Variants in ATP11B observed in about 807,000 individuals in gnomAD.
ATP11B encodes the protein phospholipid-transporting ATPase IF.
In ATP11B, 81 loss-of-function variants were observed where a neutral mutation model predicts 157.8. The ratio of observed to expected loss-of-function variants is 0.51; its 90% CI spans 0.43 to 0.62. ATP11B has a LOEUF of 0.62. Among genes scored for constraint, ATP11B ranks in the 20% least tolerant of loss-of-function variants. The pLI, the probability that ATP11B is intolerant of heterozygous loss-of-function variation, is 0.00. For synonymous variants in ATP11B, 451 were observed against 469.4 expected, an observed-to-expected ratio of 0.96 and a Z score of 0.51; for missense variants, 1,165 against 1,402.2, an observed-to-expected ratio of 0.83 and a Z score of 2.70.
Position 182,873,862 on chromosome 3 carries a change from T to C in ATP11B, c.2099T>C (p.Ile700Thr). 1 of 1,614,172 alleles carries C rather than the reference T, an allele frequency of 6.2e-7. No individual in the cohort carries two copies. Among genetic ancestry groups the C allele is most frequent in the Non-Finnish European group, 8.5e-7 (1 of 1,180,000 alleles). ...ATTGAAGCATTGAGAATGGCTGGTA[T>C]CAAAGTATGGGTACTTACTGGGGAT... ...ETIEALRMAGIKVWVLTGDKH... is the reference protein window; with the variant it reads ...ETIEALRMAGTKVWVLTGDKH... Residue 700 changes from isoleucine to threonine, a missense_variant, in exon 19 of 30, where the codon ATC (isoleucine) becomes ACC (threonine). Physicochemically the swap from Ile to Thr is moderately conservative, Grantham distance 89 (BLOSUM62 -1). This residue lies in a region of ATP11B where 737 missense variants were observed against 930.5 expected (regional missense o/e 0.79). Transcript: ENST00000323116.
chr3:182,888,064 A>G lies in ATP11B; in HGVS notation c.2843+351A>G, dbSNP rs528106199. Among the ~76,000 whole-genome samples the G allele has an allele frequency of 2.6e-5, 4 of 152,312 alleles. No homozygotes were observed. In the South Asian group the frequency reaches 8.3e-4, roughly 32 times the overall value. ...TAAAAGTTTTTTTCTACTATTAGCGAAATTTATGAGTAATAATTAGTGCAA... is the reference window on the plus strand; with the variant it reads ...TAAAAGTTTTTTTCTACTATTAGCGGAATTTATGAGTAATAATTAGTGCAA... On this transcript the variant is annotated intron_variant, in intron 24 of 29. Transcript: ENST00000323116.
chr3:182,854,611 C>T (rs1720230710), intron 10 of ATP11B, among the ~76,000 whole-genome samples: 1 of 152,062 alleles, frequency 6.6e-6, no homozygotes, highest in Non-Finnish European at 1.5e-5. Context: ...TACACTTTCT[C>T]AAAACTAAAA....
chr3:182,897,202 G>T, intron 26 of ATP11B, 101 bp from the exon 27 acceptor site: 1 of 635,674 alleles, frequency 1.6e-6, no homozygotes, highest in South Asian at 2.7e-5. Flanking sequence ...TGTCTTCTGA[G>T]AGACTTTTAG....
intron 25 of ATP11B, among the ~76,000 whole-genome samples, chr3:182,891,568 C>T (rs755068389): frequency 1.3e-5 from 2 of 152,082 alleles, no homozygotes; most frequent in Non-Finnish European, 2.9e-5. Flanking sequence ...TACTCTATTA[C>T]ATTGTCATAA....
intron 6 of ATP11B, 117 bp downstream of exon 6, chr3:182,836,587 A>G: frequency 8.4e-7 from 1 of 1,185,236 alleles, no homozygotes; most frequent in South Asian, 1.6e-5. Flanking sequence ...AAGTTTTTAA[A>G]ATTACTATTT....
chr3:182,913,914 G>A lies in ATP11B; in HGVS notation c.3372G>A (p.Pro1124=), dbSNP rs143938318. 1.7e-5 allele frequency: 27 copies of A among 1,613,986 alleles called. No homozygotes were observed. Among genetic ancestry groups the A allele is most frequent in the Non-Finnish European group, 1.8e-5 (21 of 1,179,978 alleles). Residue 1124 remains proline, a synonymous_variant, in exon 29 of 30, where the codon CCG becomes CCA. Transcript: ENST00000323116. ...IKCLDSMCCF[P]EGEAACASVG... ...GCTTGGACTCCATGTGCTGTTTCCC[G>A]GAAGGAGAAGCAGCGTGTGCATCTG...
intron 28 of ATP11B, among the ~76,000 whole-genome samples, chr3:182,901,952 G>C (rs1267042883): frequency 6.6e-6 from 1 of 151,972 alleles, no homozygotes; most frequent in Non-Finnish European, 1.5e-5. Flanking sequence ...GACTTAACTG[G>C]ATGTTCTAGG....
At chr3:182,916,259 T>C in intron 29 of ATP11B, 2 of 985,330 alleles carry the variant, frequency 2.0e-6, no homozygotes, top group Non-Finnish European at 2.4e-6. Context: ...CTATTTCATG[T>C]CTAATTTAAG....
At chr3:182,829,775 A>G in intron 4 of ATP11B, 23 bp downstream of exon 4, 3 of 1,537,792 alleles carry the variant, frequency 2.0e-6, no homozygotes, top group Non-Finnish European at 2.7e-6. Context: ...TTCTTTTTTT[A>G]ATTTTCCTCT....
In ATP11B at chr3:182,842,865, C is replaced by A. The variant is rs115468941; in HGVS notation, c.704+743C>A. ...GAATATACAATTCAGAAGATATTGC[C>A]ACATTACTAGAATCCCATTCAGTTG... On this transcript the variant is annotated intron_variant, in intron 8 of 29. Transcript: ENST00000323116. Among the ~76,000 whole-genome samples, 736 of 152,266 alleles carry A rather than the reference C, an allele frequency of 4.8e-3. 8 individuals are homozygous for A. Among genetic ancestry groups the A allele is most frequent in the African/African-American group, 0.017 (691 of 41,544 alleles).
chr3:182,899,331 T>G (rs1300777016), intron 28 of ATP11B, among the ~76,000 whole-genome samples: 3 of 151,922 alleles, frequency 2.0e-5, no homozygotes, highest in Admixed American at 6.6e-5. Context: ...TTTTGTATTT[T>G]TAGTAGAGAC....
At chr3:182,913,740 A>G in intron 28 of ATP11B, 121 bp from the exon 29 acceptor site, 1 of 1,505,608 alleles carries the variant, frequency 6.6e-7, no homozygotes, top group South Asian at 1.2e-5. Context: ...CCCATATTAT[A>G]GAAAAACATG....
At position 182,913,979 on chromosome 3, in the gene ATP11B, C is replaced by T; in HGVS notation, c.3437C>T (p.Pro1146Leu). 2 of 1,613,996 alleles carry T rather than the reference C, an allele frequency of 1.2e-6. No individual in the cohort carries two copies. The highest frequency in any genetic ancestry group is 1.7e-6 in the Non-Finnish European group (2 of 1,179,912). ...GAACGAGTTATAGGAAGATGTAGTC[C>T]AACCCACATCAGCAGGTGTGAAATC... is the stretch of plus-strand genomic sequence containing the variant. ...MLERVIGRCS[P>L]THISRSWSAS... is the part of the protein sequence containing the mutation. The change falls in exon 29 of 30, where the codon CCA becomes CTA. Residue 1146 changes from proline (P) to leucine (L), a missense_variant. Pro to Leu is a moderately conservative substitution (Grantham distance 98). Coordinates refer to ENST00000323116, the MANE Select transcript of ATP11B (RefSeq NM_014616.3).
chr3:182,811,847 A>G (rs1412165831), intron 1 of ATP11B, among the ~76,000 whole-genome samples: 4 of 152,216 alleles, frequency 2.6e-5, no homozygotes, highest in Non-Finnish European at 4.4e-5. Context: ...AAAAATGTTT[A>G]TGGCAAGATG....
chr3:182,830,012 AT>A (rs1314259533), intron 4 of ATP11B: 20 of 841,736 alleles, frequency 2.4e-5, no homozygotes, highest in Non-Finnish European at 2.9e-5. Context: ...AGTATTGTAT[AT>A]GTATAAACCA....
At chr3:182,889,849 T>C (rs1423789060) in intron 25 of ATP11B, among the ~76,000 whole-genome samples, 1 of 152,204 alleles carries the variant, frequency 6.6e-6, no homozygotes, top group Non-Finnish European at 1.5e-5. Flanking sequence ...TGTGTTTTAT[T>C]GATAGCTGCC....
chr3:182,882,475 G>GA (rs770688696), intron 21 of ATP11B, among the ~76,000 whole-genome samples: 60 of 148,708 alleles, frequency 4.0e-4, no homozygotes, highest in Non-Finnish European at 7.3e-4. Context: ...TTATTTAGTA[G>GA]AAAAAAAATG....
At chr3:182,872,158 G>T (rs181368189) in intron 17 of ATP11B, among the ~76,000 whole-genome samples, 198 bp from the exon 18 acceptor site, 1 of 152,158 alleles carries the variant, frequency 6.6e-6, no homozygotes, top group Non-Finnish European at 1.5e-5. Context: ...GTTGAAAGAG[G>T]TATATGTGTC....
chr3:182,797,079 C>A (rs1382381954), intron 1 of ATP11B, among the ~76,000 whole-genome samples: 1 of 152,190 alleles, frequency 6.6e-6, no homozygotes, highest in Non-Finnish European at 1.5e-5. Flanking sequence ...GTACTTAATT[C>A]TTCCCTTCAC....
Sources: allele counts gnomAD v4.1 joint callset (sites outside exome capture counted in the v4.1 genomes callset), GRCh38; gene constraint gnomAD v4.1.1; regional missense constraint gnomAD v4.1.1; transcripts MANE v1.5; gene names NCBI Gene and HGNC (gene_info 2026-07-23, HGNC 2026-07-21).